The following TG variants were observed in gnomAD, a reference collection of about 807,000 sequenced individuals.
TG encodes the protein thyroid hormones.
TG carries 270 observed loss-of-function variants against 324.7 expected under a neutral mutation model. The observed-to-expected ratio is 0.83, with a 90% CI of 0.75 to 0.92. The LOEUF (loss-of-function observed/expected upper bound fraction) is 0.92, where lower values mean the gene tolerates loss of function less well. Among genes scored for constraint, TG ranks in the 40% least tolerant of loss-of-function variants. TG has a pLI of 0.00. For synonymous variants in TG, 1,401 were observed against 1,327.0 expected (o/e 1.06, Z -1.21); for missense variants, 3,591 against 3,456.4 (o/e 1.04, Z -0.98).
intron 38 of TG, among the ~76,000 whole-genome samples, chr8:133,018,231 T>A (rs1835233129): frequency 6.6e-6 from 1 of 152,202 alleles, no homozygotes; most frequent in Non-Finnish European, 1.5e-5. Flanking sequence ...GGGGCCTGTA[T>A]GCTCTGCTCC....
chr8:132,869,534 G>A (rs912385201), intron 2 of TG, among the ~76,000 whole-genome samples, 195 bp from the exon 3 acceptor site: 2 of 152,204 alleles, frequency 1.3e-5, no homozygotes, highest in East Asian at 1.9e-4. Flanking sequence ...AGGCAGAGCA[G>A]GTGCTAGCCA....
chr8:133,110,054 C>T (rs1850136728), intron 43 of TG, among the ~76,000 whole-genome samples: 1 of 152,146 alleles, frequency 6.6e-6, no homozygotes, highest in African/African-American at 2.4e-5. Context: ...GTGCCCAGAC[C>T]TCAGTATAGC....
chr8:132,965,486 A>G (rs1277771456), intron 29 of TG, among the ~76,000 whole-genome samples: 1 of 152,216 alleles, frequency 6.6e-6, no homozygotes, highest in Non-Finnish European at 1.5e-5. Flanking sequence ...AGTGCCCCTT[A>G]TACAGAGCCC....
At chr8:133,043,669 C>A (rs553498015) in intron 41 of TG, among the ~76,000 whole-genome samples, 33 of 152,274 alleles carry the variant, frequency 2.2e-4, no homozygotes, top group African/African-American at 7.0e-4. Flanking sequence ...CTTGGACCTG[C>A]CTCTCCTGAG....
chr8:133,085,886 A>G (rs1344753567), intron 41 of TG, among the ~76,000 whole-genome samples: 2 of 152,224 alleles, frequency 1.3e-5, no homozygotes, highest in East Asian at 3.8e-4. Flanking sequence ...TTCAAGAGAC[A>G]TGAAAACATG....
At chr8:132,983,591 G>T in intron 35 of TG, 179 bp downstream of exon 35, 1 of 670,940 alleles carries the variant, frequency 1.5e-6, no homozygotes, top group Non-Finnish European at 2.7e-6. Context: ...TGCCCACTTT[G>T]CAGATGAGAA....
intron 43 of TG, among the ~76,000 whole-genome samples, chr8:133,098,024 C>T (rs1455107528): frequency 6.6e-6 from 1 of 152,114 alleles, no homozygotes; most frequent in East Asian, 1.9e-4. Flanking sequence ...AGCTAACTCA[C>T]AGCCAGGGCA....
At chr8:132,887,608 A>G (rs1481522746) in intron 9 of TG, 60 bp downstream of exon 9, 1 of 1,607,914 alleles carries the variant, frequency 6.2e-7, no homozygotes, top group Non-Finnish European at 8.5e-7. Flanking sequence ...GCCCTGACCC[A>G]ATGCAGTACA....
At chr8:132,925,917 T>G (rs1280897498) in intron 22 of TG, among the ~76,000 whole-genome samples, 1 of 152,194 alleles carries the variant, frequency 6.6e-6, no homozygotes, top group Admixed American at 6.5e-5. Context: ...GAGTCACAGC[T>G]GAGCTTTGAC....
At chr8:132,956,362 A>G (rs1335310619) in intron 27 of TG, among the ~76,000 whole-genome samples, 3 of 152,222 alleles carry the variant, frequency 2.0e-5, no homozygotes, top group Non-Finnish European at 4.4e-5. Context: ...GAGGGGACTT[A>G]CAGTGTATCC....
chr8:133,067,935 G>A (rs1029125975), intron 41 of TG, among the ~76,000 whole-genome samples: 1 of 150,790 alleles, frequency 6.6e-6, no homozygotes, highest in Non-Finnish European at 1.5e-5. Context: ...GAGAGAGAAA[G>A]AAAGAAAGAG....
At chr8:132,984,925 C>T (rs1831331314) in intron 35 of TG, among the ~76,000 whole-genome samples, 1 of 125,480 alleles carries the variant, frequency 8.0e-6, no homozygotes, top group Non-Finnish European at 1.7e-5. Context: ...AGCAACACAG[C>T]CTCCATCTCA....
chr8:132,968,966 A>T (rs1829053194), intron 31 of TG, among the ~76,000 whole-genome samples: 1 of 152,166 alleles, frequency 6.6e-6, no homozygotes, highest in Non-Finnish European at 1.5e-5. Context: ...TCCTGAGAGA[A>T]CGAACCTTCT....
intron 41 of TG, chr8:133,059,089 G>C (rs576407644): frequency 6.8e-5 from 31 of 456,186 alleles, no homozygotes; most frequent in African/African-American, 5.2e-4. Flanking sequence ...ACCTGGCTCA[G>C]TCCACTTCCC....
At chr8:133,038,345 G>C in intron 41 of TG, 1 of 611,844 alleles carries the variant, frequency 1.6e-6, no homozygotes, top group Non-Finnish European at 2.9e-6. Flanking sequence ...ACCAGGGAGG[G>C]GTTCCTTTGG....
At chr8:133,036,875 A>G (rs967960293) in intron 41 of TG, 6 of 152,620 alleles carry the variant, frequency 3.9e-5, no homozygotes, top group Non-Finnish European at 8.8e-5. Flanking sequence ...AACACATAAG[A>G]TACTGTGCAG....
At chr8:133,052,089 G>A (rs1840509581) in intron 41 of TG, among the ~76,000 whole-genome samples, 2 of 151,864 alleles carry the variant, frequency 1.3e-5, no homozygotes, top group Admixed American at 6.6e-5. Flanking sequence ...GGGCTTTGGG[G>A]CCCAAACAAG....
chr8:133,040,919 T>C (rs1838097899), intron 41 of TG, among the ~76,000 whole-genome samples: 1 of 152,346 alleles, frequency 6.6e-6, no homozygotes, highest in East Asian at 1.9e-4. Flanking sequence ...CCCGTTTCTT[T>C]TTTCTCTTGC....
At chr8:132,889,657 T>G (rs899103360) in intron 10 of TG, among the ~76,000 whole-genome samples, 2 of 152,224 alleles carry the variant, frequency 1.3e-5, no homozygotes, top group Non-Finnish European at 2.9e-5. Context: ...TCCATACCAG[T>G]GGTCAGGTCT....
Sources: gnomAD v4.1 joint callset for allele counts (sites outside exome capture counted in the v4.1 genomes callset) on GRCh38, gnomAD v4.1.1 for gene constraint, MANE v1.5 for transcripts, NCBI Gene and HGNC (gene_info 2026-07-23, HGNC 2026-07-21) for gene names.